CDH18: variants seen among roughly 807,000 people sequenced by gnomAD.
CDH18 encodes the protein cadherin 18.
A neutral mutation model predicts 67.9 loss-of-function variants in CDH18; 31 were observed. The observed-to-expected ratio is 0.46, with a 90% confidence interval of 0.34 to 0.62. The LOEUF (loss-of-function observed/expected upper bound fraction) is 0.62, where lower values mean the gene tolerates loss of function less well. Ranked by LOEUF, CDH18 falls within the 20% of genes least tolerant of loss-of-function variation. The pLI is 0.01. For missense variants in CDH18, 890 were observed against 975.5 expected, an observed-to-expected ratio of 0.91 and a Z score of 1.17; for synonymous variants, 362 against 347.2, an observed-to-expected ratio of 1.04 and a Z score of -0.48.
intron 1 of CDH18, among the ~76,000 whole-genome samples, chr5:20,379,459 C>A (rs184392237): frequency 3.1e-4 from 47 of 152,284 alleles, no homozygotes; most frequent in Non-Finnish European, 4.9e-4. Context: ...TACGGCCACA[C>A]TGAAAGCTGT....
At chr5:20,505,388 A>T (rs930025134) in intron 1 of CDH18, among the ~76,000 whole-genome samples, 13 of 152,326 alleles carry the variant, frequency 8.5e-5, no homozygotes, top group Admixed American at 3.9e-4. Context: ...GATGGCATAT[A>T]TTTAAAGGTG....
chr5:19,819,100 C>A (rs1167069978), intron 3 of CDH18, among the ~76,000 whole-genome samples: 3 of 151,768 alleles, frequency 2.0e-5, no homozygotes, highest in African/African-American at 4.8e-5. Context: ...CCTCTGTATA[C>A]AATTTATCAT....
At chr5:20,153,513 A>G (rs999093222) in intron 2 of CDH18, among the ~76,000 whole-genome samples, 2 of 152,212 alleles carry the variant, frequency 1.3e-5, no homozygotes, top group Admixed American at 6.5e-5. Context: ...TAGTGATGAC[A>G]TAACATAAAT....
chr5:20,281,735 A>G, intron 1 of CDH18, among the ~76,000 whole-genome samples: 1 of 152,042 alleles, frequency 6.6e-6, no homozygotes, highest in East Asian at 1.9e-4. Flanking sequence ...TTTTTTTCCA[A>G]TTCTGTGAAG....
At chr5:19,708,634 C>T (rs909453949) in intron 5 of CDH18, among the ~76,000 whole-genome samples, 4 of 152,170 alleles carry the variant, frequency 2.6e-5, no homozygotes, top group East Asian at 1.9e-4. Flanking sequence ...GGCAGAAAAC[C>T]GCTTAAGGCG....
chr5:20,392,748 G>C (rs571829175), intron 1 of CDH18, among the ~76,000 whole-genome samples: 14 of 151,858 alleles, frequency 9.2e-5, no homozygotes, highest in Non-Finnish European at 2.1e-4. Flanking sequence ...CTATTTCAAG[G>C]AAAAATTTAC....
intron 2 of CDH18, among the ~76,000 whole-genome samples, chr5:20,096,869 TA>T (rs1746032020): frequency 6.6e-6 from 1 of 152,108 alleles, no homozygotes; most frequent in African/African-American, 2.4e-5. Flanking sequence ...AATTTACAGG[TA>T]AATGGTACAT....
At chr5:20,525,037 C>T (rs1479451314) in intron 1 of CDH18, among the ~76,000 whole-genome samples, 1 of 152,062 alleles carries the variant, frequency 6.6e-6, no homozygotes, top group Admixed American at 6.6e-5. Context: ...TGTTGGCTTG[C>T]GAACTTATTC....
chr5:19,797,720 CTG>C (rs1409169328), intron 3 of CDH18, among the ~76,000 whole-genome samples: 2 of 151,982 alleles, frequency 1.3e-5, no homozygotes, highest in African/African-American at 4.8e-5. Flanking sequence ...CATTTATTAA[CTG>C]GGAGACACAA....
intron 2 of CDH18, among the ~76,000 whole-genome samples, chr5:20,062,988 TTTC>T (rs1484015870): frequency 2.0e-4 from 4 of 19,934 alleles, no homozygotes; most frequent in Non-Finnish European, 3.0e-4. Flanking sequence ...TTCTTTTTTC[TTTC>T]TTTTTTTTTT....
chr5:19,980,454 T>C (rs187149263), intron 2 of CDH18, among the ~76,000 whole-genome samples: 1 of 152,294 alleles, frequency 6.6e-6, no homozygotes, highest in East Asian at 1.9e-4. Context: ...CCACTAAATA[T>C]ATATTGAATA....
chr5:19,496,697 A>G (rs896191936), intron 11 of CDH18, among the ~76,000 whole-genome samples: 2 of 151,630 alleles, frequency 1.3e-5, no homozygotes, highest in African/African-American at 4.8e-5. Context: ...CTGTAGTCCC[A>G]GATACTCGGG....
In CDH18 at chr5:19,769,196, C is replaced by T. The variant is rs549187502; in HGVS notation, c.229-21960G>A. Among the ~76,000 whole-genome samples the T allele has an allele frequency of 2.6e-5, 4 of 152,182 alleles. No homozygotes were observed. In the South Asian group the frequency reaches 8.3e-4, roughly 32 times the overall value. ...CTATTTGATAGAAACCATAAATCTA[C>T]ATTCCAGTAGCTCAATGAACCTCAA... On this transcript the variant is annotated intron_variant, in intron 3 of 12. Coordinates refer to ENST00000382275, the MANE Select transcript of CDH18 (RefSeq NM_004934.5).
intron 7 of CDH18, among the ~76,000 whole-genome samples, chr5:19,586,499 C>A (rs992031309): frequency 6.6e-6 from 1 of 152,086 alleles, no homozygotes; most frequent in African/African-American, 2.4e-5. Flanking sequence ...TAAATAATGG[C>A]CTTCAACTCT....
At chr5:20,547,489 A>G (rs1025190985) in intron 1 of CDH18, among the ~76,000 whole-genome samples, 1 of 151,632 alleles carries the variant, frequency 6.6e-6, no homozygotes, top group African/African-American at 2.4e-5. Context: ...TGAACCCAGG[A>G]GGCAGAGGTT....
intron 2 of CDH18, among the ~76,000 whole-genome samples, chr5:19,943,589 CA>C (rs958553750): frequency 6.6e-6 from 1 of 151,968 alleles, no homozygotes; most frequent in African/African-American, 2.4e-5. Flanking sequence ...AAAATAAAAA[CA>C]AACAAGTTAA....
intron 1 of CDH18, among the ~76,000 whole-genome samples, chr5:20,296,475 G>A (rs531786988): frequency 1.1e-4 from 17 of 148,168 alleles, no homozygotes; most frequent in Admixed American, 6.7e-4. Flanking sequence ...GTTAGCCAGG[G>A]TGGTCTCGAT....
chr5:19,724,620 C>T (rs561200587), intron 4 of CDH18, among the ~76,000 whole-genome samples: 7 of 151,626 alleles, frequency 4.6e-5, no homozygotes, highest in African/African-American at 1.5e-4. Context: ...TATGATATTG[C>T]TTTATGGTTT....
At chr5:20,251,243 T>A (rs1301274135) in intron 2 of CDH18, among the ~76,000 whole-genome samples, 1 of 152,144 alleles carries the variant, frequency 6.6e-6, no homozygotes, top group Admixed American at 6.5e-5. Flanking sequence ...AATCATAATT[T>A]TTTAATTTTT....
Sources: allele counts gnomAD v4.1 joint callset (sites outside exome capture counted in the v4.1 genomes callset), GRCh38; gene constraint gnomAD v4.1.1; transcripts MANE v1.5; gene names NCBI Gene and HGNC (gene_info 2026-07-23, HGNC 2026-07-21).